The following MAGI1 variants were observed in gnomAD, a reference collection of about 807,000 sequenced individuals.
The protein encoded by MAGI1 is membrane-associated guanylate kinase, WW and PDZ domain-containing protein 1.
A neutral mutation model predicts 139.9 loss-of-function variants in MAGI1; 58 were observed. The ratio of observed to expected loss-of-function variants is 0.41; its 90% CI spans 0.34 to 0.52. MAGI1 has a LOEUF of 0.52. Among genes scored for constraint, MAGI1 ranks in the 20% least tolerant of loss-of-function variants. The probability of loss-of-function intolerance (pLI) is 0.12; values close to 1 mark genes in which losing one functional copy is unlikely to be tolerated. For missense variants in MAGI1, 1,874 were observed against 1,901.6 expected (o/e 0.99, Z 0.27); for synonymous variants, 812 against 737.9 (o/e 1.10, Z -1.63).
intron 17 of MAGI1, 78 bp downstream of exon 17, chr3:65,379,183 G>C (rs761846067): frequency 2.5e-6 from 4 of 1,598,592 alleles, no homozygotes; most frequent in Non-Finnish European, 3.4e-6. Context: ...TGAGGTCTGA[G>C]TCAGCTTTCA....
intron 1 of MAGI1, among the ~76,000 whole-genome samples, chr3:65,648,291 G>GTGTA (rs1491239529): frequency 1.6e-4 from 3 of 18,574 alleles, no homozygotes; most frequent in Non-Finnish European, 3.3e-4. Flanking sequence ...ACTACAGGCC[G>GTGTA]TGTGTGTGTG....
intron 1 of MAGI1, among the ~76,000 whole-genome samples, chr3:66,033,743 A>G (rs983054057): frequency 1.3e-5 from 2 of 152,200 alleles, no homozygotes; most frequent in African/African-American, 2.4e-5. Flanking sequence ...CCACACATAC[A>G]CAAAAAGTAG....
At chr3:65,785,865 G>A (rs2039335986) in intron 1 of MAGI1, among the ~76,000 whole-genome samples, 1 of 151,828 alleles carries the variant, frequency 6.6e-6, no homozygotes, top group South Asian at 2.1e-4. Context: ...GAGACATTGT[G>A]TGAAATCAAG....
intron 1 of MAGI1, among the ~76,000 whole-genome samples, chr3:65,634,062 A>C (rs2084461302): frequency 6.6e-6 from 1 of 152,214 alleles, no homozygotes; most frequent in Non-Finnish European, 1.5e-5. Context: ...ATAACTTTAT[A>C]ATCCTTACTC....
chr3:65,493,456 G>A (rs1432728954), intron 3 of MAGI1, 56 bp downstream of exon 3: 2 of 1,608,928 alleles, frequency 1.2e-6, no homozygotes, highest in East Asian at 2.2e-5. Flanking sequence ...GATGGCTCTG[G>A]CTCCTCTCAA....
chr3:65,691,302 C>CAA (rs752329892), intron 1 of MAGI1, among the ~76,000 whole-genome samples: 2 of 74,716 alleles, frequency 2.7e-5, no homozygotes, highest in African/African-American at 4.5e-5. Context: ...GACTCCGTCT[C>CAA]AAAAAAAAAA....
intron 1 of MAGI1, among the ~76,000 whole-genome samples, chr3:65,740,475 T>G (rs2035167339): frequency 6.6e-6 from 1 of 152,176 alleles, no homozygotes; most frequent in Non-Finnish European, 1.5e-5. Context: ...TCTGAACCCT[T>G]TGTTTCTAAC....
At chr3:66,027,022 C>T (rs566310546) in intron 1 of MAGI1, among the ~76,000 whole-genome samples, 2 of 151,718 alleles carry the variant, frequency 1.3e-5, no homozygotes, top group South Asian at 2.1e-4. Context: ...GTAATCCCAG[C>T]ACTTTGGGAG....
intron 1 of MAGI1, among the ~76,000 whole-genome samples, chr3:65,765,587 T>C (rs987782557): frequency 2.0e-5 from 3 of 152,178 alleles, no homozygotes; most frequent in African/African-American, 7.2e-5. Context: ...ACCAGATACA[T>C]GAGGCTGTGG....
chr3:65,608,072 G>T (rs988161870), intron 2 of MAGI1, among the ~76,000 whole-genome samples: 11 of 152,180 alleles, frequency 7.2e-5, no homozygotes, highest in African/African-American at 2.7e-4. Context: ...TGCAAGCACA[G>T]CCAATAAGCA....
chr3:66,014,777 C>G (rs1422538113), intron 1 of MAGI1, among the ~76,000 whole-genome samples: 1 of 152,226 alleles, frequency 6.6e-6, no homozygotes, highest in Non-Finnish European at 1.5e-5. Flanking sequence ...CATGCTATCT[C>G]ATTCCGTCAT....
At chr3:66,000,649 C>G (rs1000554750) in intron 1 of MAGI1, among the ~76,000 whole-genome samples, 8 of 152,222 alleles carry the variant, frequency 5.3e-5, no homozygotes, top group Non-Finnish European at 1.2e-4. Context: ...AACCAGGAAG[C>G]AGGTGAGCCA....
At chr3:65,746,243 C>T (rs147330767) in intron 1 of MAGI1, among the ~76,000 whole-genome samples, 4,283 of 152,132 alleles carry the variant, frequency 0.028, 96 homozygotes, top group Non-Finnish European at 0.043. Flanking sequence ...AATATGTTGG[C>T]CAGGCTGGTC....
At chr3:65,853,378 G>T (rs2059272089) in intron 1 of MAGI1, among the ~76,000 whole-genome samples, 1 of 152,190 alleles carries the variant, frequency 6.6e-6, no homozygotes, top group African/African-American at 2.4e-5. Flanking sequence ...GCATTGATAG[G>T]TAAATTCCTA....
At chr3:65,394,369 T>C (rs887933922) in intron 13 of MAGI1, among the ~76,000 whole-genome samples, 1 of 152,170 alleles carries the variant, frequency 6.6e-6, no homozygotes, top group Non-Finnish European at 1.5e-5. Flanking sequence ...CTCCTTTAAA[T>C]GCCATCTAAA....
chr3:65,572,541 T>G (rs944093826), intron 2 of MAGI1, among the ~76,000 whole-genome samples: 2 of 152,068 alleles, frequency 1.3e-5, no homozygotes, highest in African/African-American at 4.8e-5. Context: ...TCAAAGTAGT[T>G]AAGCAGAGGC....
At chr3:65,790,743 G>A (rs894276604) in intron 1 of MAGI1, among the ~76,000 whole-genome samples, 5 of 152,190 alleles carry the variant, frequency 3.3e-5, no homozygotes, top group African/African-American at 1.2e-4. Flanking sequence ...GAACATGCTT[G>A]TGCTTTTCGG....
chr3:65,623,530 T>C (rs759945667), intron 1 of MAGI1, among the ~76,000 whole-genome samples: 6 of 152,194 alleles, frequency 3.9e-5, no homozygotes, highest in Non-Finnish European at 7.3e-5. Context: ...TGAGACTGTC[T>C]TTCCATTTTT....
At chr3:65,876,354 CCA>C (rs1491461280) in intron 1 of MAGI1, among the ~76,000 whole-genome samples, 1 of 151,732 alleles carries the variant, frequency 6.6e-6, no homozygotes, top group Non-Finnish European at 1.5e-5. Context: ...ACCACCCCCC[CCA>C]AAAAAGGCAA....
Sources: allele counts gnomAD v4.1 joint callset (sites outside exome capture counted in the v4.1 genomes callset), GRCh38; gene constraint gnomAD v4.1.1; transcripts MANE v1.5; gene names NCBI Gene and HGNC (gene_info 2026-07-23, HGNC 2026-07-21).